Variants in DCLK1 observed in about 807,000 individuals in gnomAD.
DCLK1 encodes serine/threonine-protein kinase DCLK1.
In DCLK1, 16 loss-of-function variants were observed where a neutral mutation model predicts 86.2. That is an observed-to-expected ratio of 0.19 (90% CI 0.13 to 0.28). The LOEUF (loss-of-function observed/expected upper bound fraction) is 0.28. Ranked by LOEUF, DCLK1 falls within the 10% of genes least tolerant of loss-of-function variation. The pLI is 1.00. For missense variants in DCLK1, 590 were observed against 940.2 expected, an observed-to-expected ratio of 0.63 and a Z score of 4.87; for synonymous variants, 369 against 370.5, an observed-to-expected ratio of 1.00 and a Z score of 0.05.
intron 6 of DCLK1, chr13:35,846,763 T>C (rs1870205910): frequency 7.1e-6 from 7 of 985,332 alleles, no homozygotes; most frequent in South Asian, 9.4e-5. Context: ...AATGCAAATA[T>C]GCATAAATGA....
At chr13:35,844,207 C>T (rs1036469792) in intron 6 of DCLK1, among the ~76,000 whole-genome samples, 6 of 152,038 alleles carry the variant, frequency 3.9e-5, no homozygotes, top group African/African-American at 1.4e-4. Flanking sequence ...AGAATGAATA[C>T]TGAAAAATGT....
rs9602024 is a variant in DCLK1 at position 36,063,385 on chromosome 13, T to C, written c.723+48484A>G. On this transcript the variant is annotated intron_variant, in intron 3 of 16. Coordinates refer to ENST00000360631, the MANE Select transcript of DCLK1 (RefSeq NM_001330071.2). ...ACTTCTTCCCTCTGAATGTCTTCTC[T>C]GCCTCACAAGGAAGCTAGGCCACTA... 2.6e-3 allele frequency among the ~76,000 whole-genome samples: 396 copies of C among 152,290 alleles called. 1 individual carries two copies. Among genetic ancestry groups the C allele is most frequent in the African/African-American group, 8.9e-3 (372 of 41,568 alleles).
At chr13:35,975,212 C>T (rs554409223) in intron 3 of DCLK1, among the ~76,000 whole-genome samples, 4 of 152,174 alleles carry the variant, frequency 2.6e-5, no homozygotes, top group South Asian at 2.1e-4. Flanking sequence ...GTGGTGTGGG[C>T]GAGGCAGAGG....
intron 4 of DCLK1, among the ~76,000 whole-genome samples, chr13:35,891,882 A>C (rs984754038): frequency 1.3e-5 from 2 of 152,156 alleles, no homozygotes; most frequent in Non-Finnish European, 2.9e-5. Flanking sequence ...TTTAGGGTAG[A>C]GATCAGGGCA....
intron 2 of DCLK1, among the ~76,000 whole-genome samples, chr13:36,120,652 GA>G (rs549414430): frequency 1.4e-3 from 185 of 130,388 alleles, no homozygotes; most frequent in African/African-American, 5.4e-3. Flanking sequence ...ATATTTAAAA[GA>G]AAAAAAATTC....
At chr13:36,043,801 C>T (rs1452027121) in intron 3 of DCLK1, among the ~76,000 whole-genome samples, 3 of 152,112 alleles carry the variant, frequency 2.0e-5, no homozygotes, top group Non-Finnish European at 4.4e-5. Context: ...TGAATAAAAA[C>T]AAATATTGCA....
chr13:35,818,962 TGAGGC>T (rs2087333026), intron 11 of DCLK1, among the ~76,000 whole-genome samples: 1 of 152,084 alleles, frequency 6.6e-6, no homozygotes, highest in Non-Finnish European at 1.5e-5. Context: ...AAGTTTACAC[TGAGGC>T]CAGTGTGAGA....
intron 4 of DCLK1, among the ~76,000 whole-genome samples, chr13:35,930,461 C>T (rs1876367695): frequency 1.3e-5 from 2 of 152,094 alleles, no homozygotes; most frequent in Admixed American, 1.3e-4. Flanking sequence ...ATTAGCCAGG[C>T]ATGGTGGTGC....
intron 11 of DCLK1, among the ~76,000 whole-genome samples, chr13:35,820,884 A>G (rs1256208872): frequency 1.3e-5 from 2 of 152,256 alleles, no homozygotes; most frequent in South Asian, 2.1e-4. Context: ...CAAGATTACC[A>G]GCATAATTGC....
chr13:35,847,028 T>C, intron 6 of DCLK1: 3 of 985,238 alleles, frequency 3.0e-6, no homozygotes, highest in Non-Finnish European at 3.6e-6. Flanking sequence ...TATCAATGTT[T>C]CATTTTTTTA....
At chr13:36,063,506 A>G (rs554749421) in intron 3 of DCLK1, among the ~76,000 whole-genome samples, 9 of 152,232 alleles carry the variant, frequency 5.9e-5, no homozygotes, top group African/African-American at 2.2e-4. Flanking sequence ...CAAGGCCTTG[A>G]GGCTCTTATT....
chr13:36,064,612 T>C (rs1883680651), intron 3 of DCLK1, among the ~76,000 whole-genome samples: 1 of 150,054 alleles, frequency 6.7e-6, no homozygotes, highest in Non-Finnish European at 1.5e-5. Flanking sequence ...TGAGCTGAGA[T>C]AGCGCCACTG....
chr13:35,836,174 GA>G, intron 7 of DCLK1, 33 bp from the exon 8 acceptor site: 1 of 1,538,270 alleles, frequency 6.5e-7, no homozygotes, highest in Non-Finnish European at 8.9e-7. Flanking sequence ...TTTATTGGTT[GA>G]AAAGGGAACA....
At chr13:36,060,552 C>T (rs1883503896) in intron 3 of DCLK1, among the ~76,000 whole-genome samples, 1 of 152,146 alleles carries the variant, frequency 6.6e-6, no homozygotes. Context: ...GATTTACATG[C>T]TGTTGTGTGT....
chr13:36,008,335 C>G (rs1174218926), intron 3 of DCLK1, among the ~76,000 whole-genome samples: 12 of 102,656 alleles, frequency 1.2e-4, no homozygotes, highest in African/African-American at 4.3e-4. Flanking sequence ...AACTCGTCAT[C>G]TAGCATTAGG....
At chr13:35,862,078 C>A (rs1293365347) in intron 5 of DCLK1, among the ~76,000 whole-genome samples, 1 of 151,508 alleles carries the variant, frequency 6.6e-6, no homozygotes, top group African/African-American at 2.4e-5. Context: ...TTCCCTCCCC[C>A]ATGCATGGTT....
At chr13:36,110,916 C>T (rs1339847442) in intron 3 of DCLK1, among the ~76,000 whole-genome samples, 1 of 150,456 alleles carries the variant, frequency 6.6e-6, no homozygotes, top group Non-Finnish European at 1.5e-5. Flanking sequence ...CTGCAAGCTC[C>T]GCCTCCCGGG....
In DCLK1 at chr13:35,947,410, T is replaced by A. The variant is rs1877445630; in HGVS notation, c.771A>T (p.Ala257=). ...GGTAACGGAACTTCTCCGGTCCACA[T>A]GCAATAAAAATGTCATCATCACCAA... ...DFFGDDDIFI[A]CGPEKFRYQD... The change falls in exon 4 of 17, where the codon GCA becomes GCT. Residue 257 remains alanine (A), a synonymous_variant. Transcript: ENST00000360631. The A allele has an allele frequency of 6.2e-6, 10 of 1,613,912 alleles. No homozygotes were observed. The highest frequency in any genetic ancestry group is 7.6e-6 in the Non-Finnish European group (9 of 1,179,922).
chr13:35,894,886 A>T (rs1873860064), intron 4 of DCLK1, among the ~76,000 whole-genome samples: 1 of 152,210 alleles, frequency 6.6e-6, no homozygotes, highest in Non-Finnish European at 1.5e-5. Context: ...TTAACAAAAG[A>T]CTGACTCCAA....
Sources: gnomAD v4.1 joint callset for allele counts (sites outside exome capture counted in the v4.1 genomes callset) on GRCh38, gnomAD v4.1.1 for gene constraint, MANE v1.5 for transcripts, NCBI Gene and HGNC (gene_info 2026-07-23, HGNC 2026-07-21) for gene names.